The following SIRT1 variants were observed in gnomAD, a reference collection of about 807,000 sequenced individuals.
SIRT1 encodes the protein NAD-dependent protein deacetylase sirtuin-1.
In SIRT1, 24 loss-of-function variants were observed where a neutral mutation model predicts 67.9. That is an observed-to-expected ratio of 0.35 (90% CI 0.26 to 0.50). SIRT1 has a LOEUF of 0.50. Ranked by LOEUF, SIRT1 falls within the 20% of genes least tolerant of loss-of-function variation. SIRT1 has a pLI of 0.98. For synonymous variants in SIRT1, 378 were observed against 350.7 expected, an observed-to-expected ratio of 1.08 and a Z score of -0.87; for missense variants, 873 against 937.2, an observed-to-expected ratio of 0.93 and a Z score of 0.89.
rs1007347582 is a variant in SIRT1 at position 67,918,221 on chromosome 10, CTT to C, written c.*1632_*1633del. 1 of 152,524 alleles carries C rather than the reference CTT, an allele frequency of 6.6e-6. No homozygotes were observed. Among genetic ancestry groups the C allele is most frequent in the African/African-American group, 2.4e-5 (1 of 41,434 alleles). The allele number at this position is 152,524 out of a possible 1,614,324, so 9.4% of individuals were successfully genotyped here. On this transcript the variant is annotated 3_prime_UTR_variant, in exon 9 of 9. Transcript: ENST00000212015. ...TTTACAGTGAAGACTGTTTTCAGCT[CTT>C]TTTATATTGTACATAGTCTTTTATG...
At chr10:67,906,166 A>C in intron 4 of SIRT1, 1 of 1,369,114 alleles carries the variant, frequency 7.3e-7, no homozygotes, top group Non-Finnish European at 9.5e-7. Flanking sequence ...TTTAAAGAAG[A>C]AACAGCATTG....
At chr10:67,915,296 C>T (rs1207438359) in intron 8 of SIRT1, among the ~76,000 whole-genome samples, 1 of 152,138 alleles carries the variant, frequency 6.6e-6, no homozygotes, top group Non-Finnish European at 1.5e-5. Flanking sequence ...AATACTACAT[C>T]TATTATGTGT....
intron 5 of SIRT1, among the ~76,000 whole-genome samples, chr10:67,907,271 G>C (rs1461000963): frequency 6.6e-6 from 1 of 152,146 alleles, no homozygotes; most frequent in Non-Finnish European, 1.5e-5. Flanking sequence ...GAGGCGGGCA[G>C]ATCCCATGAA....
At chr10:67,907,483 ACT>A (rs1842836990) in intron 5 of SIRT1, among the ~76,000 whole-genome samples, 1 of 117,684 alleles carries the variant, frequency 8.5e-6, no homozygotes, top group Non-Finnish European at 1.8e-5. Flanking sequence ...AGACAGTGAG[ACT>A]CTGTCAAAAA....
At chr10:67,893,834 C>T (rs1435447348) in intron 4 of SIRT1, among the ~76,000 whole-genome samples, 10 of 152,200 alleles carry the variant, frequency 6.6e-5, no homozygotes, top group South Asian at 2.1e-4. Context: ...CGAGGCACCG[C>T]GCCCCGCGCC....
At position 67,912,599 on chromosome 10, in the gene SIRT1, G is replaced by A; in HGVS notation, c.1483G>A (p.Gly495Ser). The A allele has an allele frequency of 6.2e-7, 1 of 1,614,094 alleles. No individual in the cohort carries two copies. The highest frequency in any genetic ancestry group is 8.5e-7 in the Non-Finnish European group (1 of 1,180,022). ...TAATGAATTGTGTCATAGGTTAGGTGGTGAATATGCCAAACTTTGCTGTAA... is the reference window on the plus strand; with the variant it reads ...TAATGAATTGTGTCATAGGTTAGGTAGTGAATATGCCAAACTTTGCTGTAA... ...IINELCHRLG[G>S]EYAKLCCNPV... Residue 495 changes from glycine to serine, a missense_variant, in exon 8 of 9, where the codon GGT becomes AGT. By Grantham distance (56) the Gly-to-Ser change is moderately conservative. Transcript: ENST00000212015.
chr10:67,901,360 T>A (rs1024324254), intron 4 of SIRT1, among the ~76,000 whole-genome samples: 5 of 152,124 alleles, frequency 3.3e-5, no homozygotes, highest in African/African-American at 1.2e-4. Flanking sequence ...AGTGCTGGAT[T>A]TTCATATCAA....
intron 2 of SIRT1, among the ~76,000 whole-genome samples, chr10:67,887,972 C>A (rs531768415): frequency 6.6e-6 from 1 of 152,186 alleles, no homozygotes. Context: ...TGTACACTTA[C>A]CACTTCTTGA....
Position 67,889,113 on chromosome 10 carries a change from CTG to C in SIRT1, c.780_781del (p.Gly261SerfsTer11). ...GAGTGCAAAAAAATTATAGTTCTAA[CTG>C]GAGCTGGGGTATGTAAGACTAGTAC... On this transcript the variant is annotated frameshift_variant, in exon 3 of 9. Transcript: ENST00000212015. LOFTEE classifies it high-confidence loss of function. 6.2e-7 allele frequency: 1 copy of C among 1,600,144 alleles called. No individual in the cohort carries two copies. The highest frequency in any genetic ancestry group is 8.5e-7 in the Non-Finnish European group (1 of 1,179,232).
Position 67,885,100 on chromosome 10 carries a change from G to A in SIRT1, c.379G>A (p.Asp127Asn), listed in dbSNP as rs1453683523. 2.1e-6 allele frequency: 3 copies of A among 1,448,174 alleles called. No individual in the cohort carries two copies. The highest frequency in any genetic ancestry group is 1.5e-5 in the African/African-American group (1 of 67,704). 89.7% of individuals were successfully genotyped at this position (1,448,174 alleles called of 1,614,324 possible). A position where few individuals can be genotyped will look rare whatever the true frequency, so the allele number is the denominator to read the frequency against. The change falls in exon 1 of 9, where the codon GAC (aspartate) becomes AAC (asparagine). Residue 127 changes from aspartate (D) to asparagine (N), a missense_variant. Asp to Asn is a conservative substitution (Grantham distance 23). This residue lies in a region of SIRT1 where 327 missense variants were observed against 283.9 expected (regional missense o/e 1.15). Coordinates refer to ENST00000212015, the MANE Select transcript of SIRT1 (RefSeq NM_012238.5). ...CAACTTGTACGACGAAGACGACGAC[G>A]ACGAGGGCGAGGAGGAGGAAGAGGC... is the stretch of plus-strand genomic sequence containing the variant. ...ADNLYDEDDDDEGEEEEEAAA... is the reference protein window; with the variant it reads ...ADNLYDEDDDNEGEEEEEAAA...
chr10:67,909,189 G>C, intron 6 of SIRT1, 67 bp from the exon 7 acceptor site: 1 of 1,058,652 alleles, frequency 9.4e-7, no homozygotes, highest in Non-Finnish European at 1.4e-6. Context: ...GTATGGAAAT[G>C]TTGACTATTT....
chr10:67,905,108 T>C (rs35753074), intron 4 of SIRT1, among the ~76,000 whole-genome samples: 1 of 152,316 alleles, frequency 6.6e-6, no homozygotes, highest in East Asian at 1.9e-4. Flanking sequence ...GGCATGCTAT[T>C]ATCACTTGCT....
Position 67,884,924 on chromosome 10 carries a change from C to G in SIRT1, c.203C>G (p.Pro68Arg), listed in dbSNP as rs1450691401. The G allele has an allele frequency of 3.1e-5, 38 of 1,238,526 alleles. No individual in the cohort carries two copies. Among genetic ancestry groups the G allele is most frequent in the Middle Eastern group, 5.7e-4 (2 of 3,512 alleles). The allele number at this position is 1,238,526 out of a possible 1,614,324, so 76.7% of individuals were successfully genotyped here. A position where few individuals can be genotyped will look rare whatever the true frequency, so the allele number is the denominator to read the frequency against. The stretch of plus-strand genomic sequence containing the variant: ...GTGCCGGCGGCGGCCAGGGGCTGCC[C>G]GGGTGCGGCGGCGGCGGCGCTGTGG... ...REVPAAARGC[P>R]GAAAAALWRE... The change falls in exon 1 of 9, where the codon CCG becomes CGG. Residue 68 changes from proline (P) to arginine (R), a missense_variant. Pro to Arg is a moderately radical substitution (Grantham distance 103). Coordinates refer to ENST00000212015, the MANE Select transcript of SIRT1 (RefSeq NM_012238.5).
At chr10:67,901,364 A>C (rs903160055) in intron 4 of SIRT1, among the ~76,000 whole-genome samples, 4 of 151,988 alleles carry the variant, frequency 2.6e-5, no homozygotes, top group Non-Finnish European at 5.9e-5. Context: ...CTGGATTTTC[A>C]TATCAAAACA....
chr10:67,889,255 A>T, intron 3 of SIRT1, 132 bp downstream of exon 3: 3 of 1,003,602 alleles, frequency 3.0e-6, no homozygotes, highest in Non-Finnish European at 4.3e-6. Flanking sequence ...CCAAAAACTG[A>T]GTGCAGCAGC....
intron 7 of SIRT1, among the ~76,000 whole-genome samples, chr10:67,911,322 T>C (rs1407296762): frequency 6.6e-6 from 1 of 152,044 alleles, no homozygotes; most frequent in Admixed American, 6.6e-5. Context: ...GCTTCCTGAG[T>C]AGTTAGGACC....
chr10:67,888,202 GT>G (rs1308060849), intron 2 of SIRT1, among the ~76,000 whole-genome samples: 5 of 152,122 alleles, frequency 3.3e-5, no homozygotes, highest in African/African-American at 1.2e-4. Context: ...TATACCAAAG[GT>G]ATAACCATCT....
rs990065260 is a variant in SIRT1 at position 67,885,021 on chromosome 10, A to C, written c.300A>C (p.Glu100Asp). 109 of 1,338,130 alleles carry C rather than the reference A, an allele frequency of 8.1e-5. No homozygotes were observed. The highest frequency in any genetic ancestry group is 1.0e-4 in the Non-Finnish European group (106 of 1,035,534). 82.9% of individuals were successfully genotyped at this position (1,338,130 alleles called of 1,614,324 possible). The change falls in exon 1 of 9, where the codon GAA becomes GAC. Residue 100 changes from glutamate to aspartate, a missense_variant. Coordinates refer to ENST00000212015, the MANE Select transcript of SIRT1 (RefSeq NM_012238.5). ...QEAQATAAAG[E>D]GDNGPGLQGP... Reference sequence around the variant, plus strand: ...CCCAGGCGACTGCGGCGGCTGGGGAAGGAGACAATGGGCCGGGCCTGCAGG... The same window carrying C: ...CCCAGGCGACTGCGGCGGCTGGGGACGGAGACAATGGGCCGGGCCTGCAGG...
chr10:67,913,023 G>A lies in SIRT1; in HGVS notation c.1907G>A (p.Arg636Gln), dbSNP rs771135356. The A allele has an allele frequency of 4.3e-5, 68 of 1,590,494 alleles. 1 individual carries two copies. The highest frequency in any genetic ancestry group is 1.1e-4 in the African/African-American group (8 of 73,548). The change falls in exon 8 of 9, where the codon CGG becomes CAG. Residue 636 changes from arginine (R) to glutamine (Q), a missense_variant. Physicochemically the swap from Arg to Gln is conservative, Grantham distance 43 (BLOSUM62 1). Coordinates refer to ENST00000212015, the MANE Select transcript of SIRT1 (RefSeq NM_012238.5). ...NRVAKEQISRRLDGNQYLFLP... is the reference protein window; with the variant it reads ...NRVAKEQISRQLDGNQYLFLP... ...GTGGCAAAGGAGCAGATTAGTAGGC[G>A]GCTTGATGGTAAGAAAGGCAGTCGG...
Sources: allele counts gnomAD v4.1 joint callset (sites outside exome capture counted in the v4.1 genomes callset), GRCh38; gene constraint gnomAD v4.1.1; regional missense constraint gnomAD v4.1.1; transcripts MANE v1.5; gene names NCBI Gene and HGNC (gene_info 2026-07-23, HGNC 2026-07-21).